ABCC4: variants seen among roughly 807,000 people sequenced by gnomAD.
ABCC4 encodes the protein ATP binding cassette subfamily C member 4 (PEL blood group).
Under a neutral mutation model 168.5 loss-of-function variants are expected in ABCC4, and 102 were observed. The ratio of observed to expected loss-of-function variants is 0.61; its 90% confidence interval spans 0.52 to 0.71. The LOEUF (loss-of-function observed/expected upper bound fraction) is 0.71. Among genes scored for constraint, ABCC4 ranks in the 30% least tolerant of loss-of-function variants. The pLI is 0.00. For missense variants in ABCC4, 1,402 were observed against 1,605.8 expected (o/e 0.87, Z 2.17); for synonymous variants, 617 against 590.7 (o/e 1.04, Z -0.65).
chr13:95,065,781 A>G (rs979344960), intron 25 of ABCC4, among the ~76,000 whole-genome samples: 1 of 152,130 alleles, frequency 6.6e-6, no homozygotes, highest in African/African-American at 2.4e-5. Context: ...TTCTACTCCC[A>G]CCTGTATCCC....
chr13:95,247,151 A>G lies in ABCC4; in HGVS notation c.186-56T>C. 3 of 1,563,142 alleles carry G rather than the reference A, an allele frequency of 1.9e-6. No homozygotes were observed. In the South Asian group the frequency reaches 3.5e-5, roughly 18 times the overall value. On this transcript the variant is annotated intron_variant, in intron 2 of 30. Transcript: ENST00000645237. Reference sequence around the variant, plus strand: ...AGTGAACCCTGCCACAATATAAAACAGGGGAGATGGCAGAGTGACAGGTAT... The same window carrying G: ...AGTGAACCCTGCCACAATATAAAACGGGGGAGATGGCAGAGTGACAGGTAT...
intron 13 of ABCC4, among the ~76,000 whole-genome samples, chr13:95,172,345 G>T (rs993412750): frequency 2.0e-5 from 3 of 152,168 alleles, no homozygotes; most frequent in African/African-American, 7.2e-5. Flanking sequence ...ACTTTGGAAG[G>T]CTGAGGCAGA....
intron 1 of ABCC4, chr13:95,269,534 G>C (rs1272724577): frequency 1.9e-5 from 3 of 157,282 alleles, no homozygotes; most frequent in Admixed American, 1.3e-4. Flanking sequence ...TTCTTTCTGA[G>C]GGAAGGGAGG....
intron 20 of ABCC4, chr13:95,096,243 C>T (rs2034594313): frequency 3.4e-6 from 2 of 584,734 alleles, no homozygotes; most frequent in Non-Finnish European, 6.0e-6. Flanking sequence ...GAGAAAGAAT[C>T]AATGACCCTA....
At chr13:95,268,809 A>C (rs1594413363) in intron 1 of ABCC4, among the ~76,000 whole-genome samples, 2 of 152,118 alleles carry the variant, frequency 1.3e-5, no homozygotes, top group African/African-American at 4.8e-5. Context: ...ATAATGATCA[A>C]TAAATACTGA....
chr13:95,138,244 C>A (rs1367571062), intron 19 of ABCC4, among the ~76,000 whole-genome samples: 1 of 151,926 alleles, frequency 6.6e-6, no homozygotes, highest in Non-Finnish European at 1.5e-5. Context: ...GAAAATAAAC[C>A]CAGGAAATAT....
At chr13:95,240,864 G>A (rs1405445022) in intron 3 of ABCC4, among the ~76,000 whole-genome samples, 2 of 151,178 alleles carry the variant, frequency 1.3e-5, no homozygotes, top group African/African-American at 2.4e-5. Flanking sequence ...CCAGCTATTC[G>A]GGAGGCTGAG....
chr13:95,157,660 T>A (rs1046283516), intron 19 of ABCC4, among the ~76,000 whole-genome samples: 4 of 152,220 alleles, frequency 2.6e-5, no homozygotes, highest in African/African-American at 9.6e-5. Context: ...GAAAGGCCAG[T>A]AGATAAAAAG....
At chr13:95,095,656 C>A (rs2034571100) in intron 20 of ABCC4, 1 of 152,012 alleles carries the variant, frequency 6.6e-6, no homozygotes, top group South Asian at 2.1e-4. Context: ...AGTCATGTAA[C>A]CAAATACCAC....
At chr13:95,260,932 TCTCAC>T (rs1429486344) in intron 1 of ABCC4, among the ~76,000 whole-genome samples, 1 of 151,168 alleles carries the variant, frequency 6.6e-6, no homozygotes, top group Non-Finnish European at 1.5e-5. Context: ...TCTGCACAAT[TCTCAC>T]CTCCCCTGCT....
At chr13:95,275,649 C>T (rs771733858) in intron 1 of ABCC4, among the ~76,000 whole-genome samples, 3 of 151,406 alleles carry the variant, frequency 2.0e-5, no homozygotes, top group Non-Finnish European at 4.4e-5. Context: ...CTCAGCAGCA[C>T]TCTAATGAGC....
In ABCC4 at chr13:95,301,347, G is replaced by C; in HGVS notation, c.-33C>G. Reference sequence around the variant, plus strand: ...GGCGGGGCGGGCGCGGGCCGGGGTCGCGCTGATCAGGCGGCGGTGGCCGCG... The same window carrying C: ...GGCGGGGCGGGCGCGGGCCGGGGTCCCGCTGATCAGGCGGCGGTGGCCGCG... On this transcript the variant is annotated 5_prime_UTR_variant, in exon 1 of 31. Transcript: ENST00000645237. 5 of 1,552,286 alleles carry C rather than the reference G, an allele frequency of 3.2e-6. No homozygotes were observed. The highest frequency in any genetic ancestry group is 4.3e-6 in the Non-Finnish European group (5 of 1,149,986).
chr13:95,148,953 A>G (rs536290561), intron 19 of ABCC4: 1 of 152,272 alleles, frequency 6.6e-6, no homozygotes, highest in South Asian at 2.1e-4. Context: ...GTGAAAGGAG[A>G]TGAGAGTGGT....
intron 19 of ABCC4, among the ~76,000 whole-genome samples, chr13:95,128,096 C>G (rs2035845787): frequency 6.6e-6 from 1 of 152,176 alleles, no homozygotes; most frequent in South Asian, 2.1e-4. Flanking sequence ...AGCAGGGAGT[C>G]CTGAGGGCTG....
At chr13:95,053,533 T>C (rs539893212) in intron 26 of ABCC4, among the ~76,000 whole-genome samples, 3 of 152,326 alleles carry the variant, frequency 2.0e-5, no homozygotes, top group African/African-American at 4.8e-5. Context: ...AATAGAGCTA[T>C]AGAAATTAAC....
At chr13:95,172,870 GAT>G (rs2037527541) in intron 13 of ABCC4, among the ~76,000 whole-genome samples, 1 of 152,144 alleles carries the variant, frequency 6.6e-6, no homozygotes, top group African/African-American at 2.4e-5. Context: ...AGTGGGCCGT[GAT>G]CATGCCATTG....
rs759219962 is a variant in ABCC4, at chr13:95,163,672, C to A, written c.2176-25G>T. ...CCTAGGAGGGGAGAAACAACAAAGA[C>A]AAAAATCAAACTTGGGCATGACTTA... On this transcript the variant is annotated intron_variant, in intron 16 of 30. Transcript: ENST00000645237. 1.9e-6 allele frequency: 3 copies of A among 1,603,172 alleles called. 1 individual carries two copies. In the South Asian group the frequency reaches 3.3e-5, roughly 18 times the overall value.
chr13:95,043,603 C>T (rs1810994731), intron 29 of ABCC4, 79 bp downstream of exon 29: 1 of 1,256,698 alleles, frequency 8.0e-7, no homozygotes, highest in Non-Finnish European at 1.1e-6. Context: ...GGGTTTCTAT[C>T]AAGTTTTACA....
chr13:95,138,514 A>C (rs970221506), intron 19 of ABCC4, among the ~76,000 whole-genome samples: 2 of 152,212 alleles, frequency 1.3e-5, no homozygotes, highest in Non-Finnish European at 2.9e-5. Flanking sequence ...ACACATTAAA[A>C]TAAGTTCATG....
Sources: allele counts gnomAD v4.1 joint callset (sites outside exome capture counted in the v4.1 genomes callset), GRCh38; gene constraint gnomAD v4.1.1; transcripts MANE v1.5; gene names NCBI Gene and HGNC (gene_info 2026-07-23, HGNC 2026-07-21).